Variants in PCBP4 observed in about 807,000 individuals in gnomAD.
PCBP4 encodes poly(rC) binding protein 4, also known as poly(rC)-binding protein 4.
In PCBP4, 24 loss-of-function variants were observed where a neutral mutation model predicts 46.2. The observed-to-expected ratio is 0.52, with a 90% CI of 0.38 to 0.73. PCBP4 has a LOEUF of 0.73. Ranked by LOEUF, PCBP4 falls within the 30% of genes least tolerant of loss-of-function variation. PCBP4 has a pLI of 0.00. For synonymous variants in PCBP4, 203 were observed against 224.4 expected, an observed-to-expected ratio of 0.90 and a Z score of 0.85; for missense variants, 407 against 537.0, an observed-to-expected ratio of 0.76 and a Z score of 2.39.
chr3:51,961,440 A>G, intron 2 of PCBP4, 136 bp from the exon 3 acceptor site: 13 of 1,044,088 alleles, frequency 1.2e-5, no homozygotes, highest in Non-Finnish European at 1.7e-5. Flanking sequence ...GCCACACATC[A>G]CTCTGACCAG....
In PCBP4 at chr3:51,960,077, G is replaced by C. The variant is rs553551296; in HGVS notation, c.388-54C>G. The C allele has an allele frequency of 2.4e-5, 39 of 1,614,158 alleles. No individual in the cohort carries two copies. In the East Asian group the frequency reaches 8.7e-4, roughly 36 times the overall value. On this transcript the variant is annotated intron_variant, in intron 7 of 13. Coordinates refer to ENST00000461554, the MANE Select transcript of PCBP4 (RefSeq NM_001174100.2). The surrounding 1 kb of genome is among the most constrained non-coding windows in gnomAD (Gnocchi z 5.0). ...GGCTGCTCCCATAACCCAGAAAAGG[G>C]CTGCCCAGGCTCAGAGCTCTCTAGG...
chr3:51,961,337 G>A, intron 2 of PCBP4, 33 bp from the exon 3 acceptor site: 2 of 1,510,598 alleles, frequency 1.3e-6, no homozygotes, highest in Admixed American at 2.0e-5. Context: ...GGTTCGAGAG[G>A]AGCCCAGTCC....
intron 1 of PCBP4, among the ~76,000 whole-genome samples, chr3:51,964,966 T>C (rs142609653): frequency 6.6e-6 from 1 of 152,286 alleles, no homozygotes; most frequent in Non-Finnish European, 1.5e-5. Context: ...CTCTGACAAG[T>C]TGGCAGGTGC....
chr3:51,966,570 G>A (rs1700439782), intron 1 of PCBP4, among the ~76,000 whole-genome samples: 1 of 152,158 alleles, frequency 6.6e-6, no homozygotes, highest in African/African-American at 2.4e-5. Flanking sequence ...TGTCCTGCTG[G>A]TTCAGCACGA....
Position 51,960,064 on chromosome 3 carries a change from A to G in PCBP4, c.388-41T>C. ...AGGGGCCACTTCTGGCTGCTCCCAT[A>G]ACCCAGAAAAGGGCTGCCCAGGCTC... On this transcript the variant is annotated intron_variant, in intron 7 of 13. Coordinates refer to ENST00000461554, the MANE Select transcript of PCBP4 (RefSeq NM_001174100.2). The surrounding 1 kb of genome is among the most constrained non-coding windows in gnomAD (Gnocchi z 5.0). 6.2e-7 allele frequency: 1 copy of G among 1,614,140 alleles called. No individual in the cohort carries two copies. Among genetic ancestry groups the G allele is most frequent in the Non-Finnish European group, 8.5e-7 (1 of 1,180,000 alleles).
chr3:51,960,038 CAG>C lies in PCBP4; in HGVS notation c.388-17_388-16del, dbSNP rs755039738. ...GCACCCGTAGTCTGCAAACAGAGAA[CAG>C]GGGCCACTTCTGGCTGCTCCCATAA... On this transcript the variant is annotated splice_polypyrimidine_tract_variant and intron_variant, in intron 7 of 13. Coordinates refer to ENST00000461554, the MANE Select transcript of PCBP4 (RefSeq NM_001174100.2). The surrounding 1 kb of genome is among the most constrained non-coding windows in gnomAD (Gnocchi z 5.0). 1 of 1,614,232 alleles carries C rather than the reference CAG, an allele frequency of 6.2e-7. No individual in the cohort carries two copies. Among genetic ancestry groups the C allele is most frequent in the Non-Finnish European group, 8.5e-7 (1 of 1,180,040 alleles).
chr3:51,965,915 G>A (rs1035143290), intron 1 of PCBP4, among the ~76,000 whole-genome samples: 4 of 152,164 alleles, frequency 2.6e-5, no homozygotes, highest in African/African-American at 9.7e-5. Flanking sequence ...GGGACTGGAA[G>A]AAGGGCTGGG....
chr3:51,962,156 C>G (rs569440683), intron 1 of PCBP4, 68 bp from the exon 2 acceptor site: 1 of 152,098 alleles, frequency 6.6e-6, no homozygotes, highest in African/African-American at 2.4e-5. Context: ...TTCTACTGTA[C>G]CAGAAACAAG....
In PCBP4 at chr3:51,958,745, G is replaced by A; in HGVS notation, c.923+45C>T. On this transcript the variant is annotated intron_variant, in intron 13 of 13. Coordinates refer to ENST00000461554, the MANE Select transcript of PCBP4 (RefSeq NM_001174100.2). The surrounding 1 kb of genome is among the most constrained non-coding windows in gnomAD (Gnocchi z 5.4). ...CCACCCCTGCCTTTCTTGGGCACAT[G>A]AGAACCGTGACCTGCTCCCCCACTG... is the stretch of plus-strand genomic sequence containing the variant. 2 of 1,582,920 alleles carry A rather than the reference G, an allele frequency of 1.3e-6. No homozygotes were observed. The highest frequency in any genetic ancestry group is 1.7e-6 in the Non-Finnish European group (2 of 1,163,466).
rs754187213 is a variant in PCBP4, at chr3:51,957,831, G to C, written c.*230C>G. 2.7e-4 allele frequency: 110 copies of C among 412,174 alleles called. 1 individual carries two copies. The Middle Eastern group carries it at 4.5e-3, about 17-fold the overall frequency. The allele number at this position is 412,174 out of a possible 1,614,324, so 25.5% of individuals were successfully genotyped here. The stretch of plus-strand genomic sequence containing the variant: ...CTGTATCCAAGCACAGAGCTGAGGA[G>C]GTAGGGCCCCCTGCCCTGGGGCTGC... On this transcript the variant is annotated 3_prime_UTR_variant, in exon 14 of 14. Transcript: ENST00000461554.
In PCBP4 at chr3:51,957,914, A is replaced by T; in HGVS notation, c.*147T>A. Reference sequence around the variant, plus strand: ...CCACTCTGAGAGAAAGAACTCCCATAGATGGAGGCAGGGTAGGGGGTGCAT... The same window carrying T: ...CCACTCTGAGAGAAAGAACTCCCATTGATGGAGGCAGGGTAGGGGGTGCAT... On this transcript the variant is annotated 3_prime_UTR_variant, in exon 14 of 14. Coordinates refer to ENST00000461554, the MANE Select transcript of PCBP4 (RefSeq NM_001174100.2). The T allele has an allele frequency of 1.4e-6, 1 of 717,714 alleles. No individual in the cohort carries two copies. Among genetic ancestry groups the T allele is most frequent in the Non-Finnish European group, 2.2e-6 (1 of 447,016 alleles). 44.5% of individuals were successfully genotyped at this position (717,714 alleles called of 1,614,324 possible).
Position 51,959,336 on chromosome 3 carries a change from G to C in PCBP4, c.636+31C>G. ...AGAGGTCAGAGGAGGCATGGTTCAG[G>C]AAGGGGTGCCTTGGGCTATGGGTCA... On this transcript the variant is annotated intron_variant, in intron 10 of 13. Coordinates refer to ENST00000461554, the MANE Select transcript of PCBP4 (RefSeq NM_001174100.2). This position sits in a 1 kb window ranked among gnomAD's most constrained non-coding sequence, Gnocchi z 5.6. 4 of 1,613,674 alleles carry C rather than the reference G, an allele frequency of 2.5e-6. No homozygotes were observed. The highest frequency in any genetic ancestry group is 1.7e-4 in the Middle Eastern group (1 of 6,048).
At position 51,959,055 on chromosome 3, in the gene PCBP4, G is replaced by A. The variant is rs145651866; in HGVS notation, c.745C>T (p.Pro249Ser). 7.4e-6 allele frequency: 12 copies of A among 1,613,806 alleles called. No individual in the cohort carries two copies. Among genetic ancestry groups the A allele is most frequent in the Non-Finnish European group, 1.0e-5 (12 of 1,179,938 alleles). The change falls in exon 12 of 14, where the codon CCC (proline) becomes TCC (serine). Residue 249 changes from proline (P) to serine (S), a missense_variant. Physicochemically the swap from Pro to Ser is moderately conservative, Grantham distance 74. Coordinates refer to ENST00000461554, the MANE Select transcript of PCBP4 (RefSeq NM_001174100.2). This position sits in a 1 kb window ranked among gnomAD's most constrained non-coding sequence, Gnocchi z 5.6. ...TCCCATCCCCTGCTCACATCGTTGG[G>A]AACCAAGAACTCCTGTGAGCTGGTC... is the stretch of plus-strand genomic sequence containing the variant. ...TQTSSQEFLVPNDLIGCVIGR... is the reference protein window; with the variant it reads ...TQTSSQEFLVSNDLIGCVIGR...
chr3:51,961,902 CAG>C (rs1031317902), intron 2 of PCBP4, 37 bp downstream of exon 2: 7 of 216,820 alleles, frequency 3.2e-5, no homozygotes, highest in African/African-American at 7.1e-5. Context: ...AGGCTTGAGG[CAG>C]GGGTTGAGGG....
chr3:51,961,242 CTGTCAG>C lies in PCBP4; in HGVS notation c.-8_-3del. The C allele has an allele frequency of 1.2e-6, 2 of 1,611,498 alleles. No individual in the cohort carries two copies. ...CAGTCCCCCGTCCGAGCCGCTCATT[CTGTCAG>C]GCGAGGCTGGGGCCACAGCGACCTG... On this transcript the variant is annotated 5_prime_UTR_variant, in exon 3 of 14. Coordinates refer to ENST00000461554, the MANE Select transcript of PCBP4 (RefSeq NM_001174100.2).
chr3:51,960,678 T>C lies in PCBP4; in HGVS notation c.139-36A>G, dbSNP rs758231318. The C allele has an allele frequency of 1.3e-6, 2 of 1,551,920 alleles. No homozygotes were observed. Among genetic ancestry groups the C allele is most frequent in the East Asian group, 2.2e-5 (1 of 44,560 alleles). ...AGAATGAGCGCCGGGCAGCGGGGCA[T>C]CTTCCCTGCTCCCTTGCCGGAACTT... On this transcript the variant is annotated intron_variant, in intron 5 of 13. Coordinates refer to ENST00000461554, the MANE Select transcript of PCBP4 (RefSeq NM_001174100.2). This position sits in a 1 kb window ranked among gnomAD's most constrained non-coding sequence, Gnocchi z 5.0.
chr3:51,961,077 G>A (rs773893445), intron 3 of PCBP4, 44 bp from the exon 4 acceptor site: 2 of 1,614,078 alleles, frequency 1.2e-6, no homozygotes, highest in Non-Finnish European at 1.7e-6. Context: ...CAGTGCCCAG[G>A]CCCAGCCCCT....
rs1700129250 is a variant in PCBP4, at chr3:51,960,872, C to T, written c.132G>A (p.Arg44=). ...CCCCAAACTCCATCCTCACCTGCTC[C>T]CGGATTCGCTTTACAGTCTCGCCCT... ...GKKGETVKRI[R]EQSSARITIS... is the part of the protein sequence containing the mutation. The change falls in exon 5 of 14, where the codon CGG becomes CGA. Residue 44 remains arginine (R), a synonymous_variant. Transcript: ENST00000461554. The surrounding 1 kb of genome is among the most constrained non-coding windows in gnomAD (Gnocchi z 5.0). The T allele has an allele frequency of 1.2e-6, 2 of 1,614,094 alleles. No individual in the cohort carries two copies. Among genetic ancestry groups the T allele is most frequent in the South Asian group, 1.1e-5 (1 of 91,086 alleles).
chr3:51,960,416 A>G lies in PCBP4; in HGVS notation c.256-96T>C, dbSNP rs1186163143. 2 of 1,572,824 alleles carry G rather than the reference A, an allele frequency of 1.3e-6. No homozygotes were observed. The highest frequency in any genetic ancestry group is 1.7e-6 in the Non-Finnish European group (2 of 1,149,550). On this transcript the variant is annotated intron_variant, in intron 6 of 13. Transcript: ENST00000461554. This position sits in a 1 kb window ranked among gnomAD's most constrained non-coding sequence, Gnocchi z 5.0. ...CTTTCCCCAGTCCCACTTCAAGGGA[A>G]CACTGCCCTGGGCTTGACCTCCCCT...
Sources: allele counts gnomAD v4.1 joint callset (sites outside exome capture counted in the v4.1 genomes callset), GRCh38; gene constraint gnomAD v4.1.1; non-coding constraint Gnocchi (gnomAD v3.1); transcripts MANE v1.5; gene names NCBI Gene and HGNC (gene_info 2026-07-23, HGNC 2026-07-21).